The following DLGAP2 variants were observed in gnomAD, a reference collection of about 807,000 sequenced individuals.
The protein encoded by DLGAP2 is DLG associated protein 2.
A neutral mutation model predicts 100.3 loss-of-function variants in DLGAP2; 26 were observed. That is an observed-to-expected ratio of 0.26 (90% CI 0.19 to 0.36). The LOEUF is 0.36. DLGAP2 is among the 10% of genes least tolerant of loss of function. DLGAP2 has a pLI of 1.00. For synonymous variants in DLGAP2, 886 were observed against 630.1 expected, an observed-to-expected ratio of 1.41 and a Z score of -6.08; for missense variants, 1,858 against 1,453.2, an observed-to-expected ratio of 1.28 and a Z score of -4.53.
intron 3 of DLGAP2, among the ~76,000 whole-genome samples, chr8:1,333,892 G>A (rs1431604401): frequency 6.6e-6 from 1 of 152,230 alleles, no homozygotes; most frequent in African/African-American, 2.4e-5. Flanking sequence ...GATCCCAGGT[G>A]CATCCTTGCC....
chr8:1,627,870 C>T (rs1447019605), intron 7 of DLGAP2, among the ~76,000 whole-genome samples: 2 of 151,858 alleles, frequency 1.3e-5, no homozygotes, highest in Non-Finnish European at 2.9e-5. Context: ...TTCTGTCTGA[C>T]TTACTGTGGA....
chr8:961,758 G>C (rs550115315), intron 2 of DLGAP2, among the ~76,000 whole-genome samples: 21 of 152,162 alleles, frequency 1.4e-4, no homozygotes, highest in South Asian at 1.0e-3. Context: ...CCGACATTCT[G>C]ACATTGTTAA....
chr8:1,562,328 G>A (rs201707960), intron 5 of DLGAP2, among the ~76,000 whole-genome samples: 13 of 22,916 alleles, frequency 5.7e-4, no homozygotes, highest in African/African-American at 1.3e-3. Context: ...TCCGCGCCTC[G>A]TTACTGGGGG....
At chr8:920,884 G>A (rs904871519) in intron 2 of DLGAP2, among the ~76,000 whole-genome samples, 5 of 152,226 alleles carry the variant, frequency 3.3e-5, no homozygotes, top group African/African-American at 1.2e-4. Context: ...GGTTTACTGT[G>A]TGCTTGCTTC....
chr8:979,841 T>C (rs1584943331), intron 2 of DLGAP2, among the ~76,000 whole-genome samples: 1 of 152,212 alleles, frequency 6.6e-6, no homozygotes, highest in South Asian at 2.1e-4. Flanking sequence ...ACATTTGCAG[T>C]CTTGGACACT....
chr8:1,593,646 G>T (rs372985918), intron 6 of DLGAP2, among the ~76,000 whole-genome samples: 2 of 152,004 alleles, frequency 1.3e-5, no homozygotes, highest in African/African-American at 4.8e-5. Flanking sequence ...TCTCCCAGGG[G>T]AGGGAAGGAT....
At chr8:1,684,049 T>G (rs1338005366) in intron 12 of DLGAP2, among the ~76,000 whole-genome samples, 2 of 147,896 alleles carry the variant, frequency 1.4e-5, no homozygotes, top group Non-Finnish European at 3.0e-5. Context: ...TGGCGCGATC[T>G]CAGCTCACTG....
chr8:1,600,488 C>T (rs924237362), intron 6 of DLGAP2, among the ~76,000 whole-genome samples: 1 of 152,166 alleles, frequency 6.6e-6, no homozygotes, highest in African/African-American at 2.4e-5. Context: ...GTTCCATTCT[C>T]CCCGTCACTT....
intron 2 of DLGAP2, among the ~76,000 whole-genome samples, chr8:1,107,457 C>G (rs1266003286): frequency 2.0e-5 from 3 of 152,208 alleles, no homozygotes; most frequent in Non-Finnish European, 4.4e-5. Context: ...CCAGGTAGAT[C>G]CTTGTCCTGT....
At chr8:1,640,387 C>G (rs1447024947) in intron 8 of DLGAP2, among the ~76,000 whole-genome samples, 1 of 152,038 alleles carries the variant, frequency 6.6e-6, no homozygotes, top group East Asian at 1.9e-4. Context: ...CTGCTGACAT[C>G]ACGTCTCCAA....
chr8:1,402,282 A>C (rs1243078031), intron 3 of DLGAP2, among the ~76,000 whole-genome samples: 3 of 3,952 alleles, frequency 7.6e-4, no homozygotes, highest in Admixed American at 3.8e-3. Context: ...ACTGAGTGCC[A>C]CCTCCTCATC....
intron 2 of DLGAP2, among the ~76,000 whole-genome samples, chr8:976,371 G>A (rs141101183): frequency 6.6e-6 from 1 of 152,112 alleles, no homozygotes; most frequent in Non-Finnish European, 1.5e-5. Context: ...TAGCACTTTG[G>A]GAGATCGAGG....
At chr8:1,347,306 G>T (rs1249147724) in intron 3 of DLGAP2, among the ~76,000 whole-genome samples, 1 of 151,872 alleles carries the variant, frequency 6.6e-6, no homozygotes, top group Non-Finnish European at 1.5e-5. Flanking sequence ...TGGAGGTTGA[G>T]TTCCCCCACA....
intron 1 of DLGAP2, among the ~76,000 whole-genome samples, chr8:830,687 A>G (rs542273085): frequency 8.6e-5 from 13 of 152,000 alleles, no homozygotes; most frequent in South Asian, 2.1e-4. Flanking sequence ...TCTCATTTCA[A>G]TATTACTACG....
intron 2 of DLGAP2, among the ~76,000 whole-genome samples, chr8:985,306 G>A (rs931291156): frequency 1.3e-5 from 2 of 152,220 alleles, no homozygotes; most frequent in Non-Finnish European, 2.9e-5. Flanking sequence ...AATGCTCACT[G>A]TTGGCATGGT....
chr8:1,129,536 T>C (rs1796242242), intron 2 of DLGAP2, among the ~76,000 whole-genome samples: 1 of 152,188 alleles, frequency 6.6e-6, no homozygotes. Context: ...TTTTGTAAAA[T>C]GCTGGGAGGA....
At chr8:1,531,450 T>A (rs1800987492) in intron 4 of DLGAP2, among the ~76,000 whole-genome samples, 1 of 152,146 alleles carries the variant, frequency 6.6e-6, no homozygotes, top group South Asian at 2.1e-4. Context: ...AGGTTAGAAT[T>A]TTTTTCAGCT....
intron 2 of DLGAP2, among the ~76,000 whole-genome samples, chr8:966,519 A>G (rs1031630968): frequency 1.2e-4 from 19 of 152,232 alleles, no homozygotes; most frequent in African/African-American, 4.6e-4. Flanking sequence ...ATGCTTTCAT[A>G]TCTTTTTTTT....
chr8:1,315,653 C>T (rs367989742), intron 3 of DLGAP2, among the ~76,000 whole-genome samples: 3 of 114,984 alleles, frequency 2.6e-5, no homozygotes, highest in Admixed American at 9.3e-5. Context: ...GCAAGTACAG[C>T]GTCTCTCCAA....
Sources: gnomAD v4.1 joint callset for allele counts (sites outside exome capture counted in the v4.1 genomes callset) on GRCh38, gnomAD v4.1.1 for gene constraint, MANE v1.5 for transcripts, NCBI Gene and HGNC (gene_info 2026-07-23, HGNC 2026-07-21) for gene names.